STAG1: variants seen among roughly 807,000 people sequenced by gnomAD.
STAG1 encodes the protein cohesin subunit SA-1.
In STAG1, 26 loss-of-function variants were observed where a neutral mutation model predicts 170.9. The observed-to-expected ratio is 0.15, with a 90% CI of 0.11 to 0.21. The LOEUF (loss-of-function observed/expected upper bound fraction) is 0.21, where lower values mean the gene tolerates loss of function less well. STAG1 is among the 10% of genes least tolerant of loss of function. STAG1 has a pLI of 1.00. For synonymous variants in STAG1, 514 were observed against 497.7 expected, an observed-to-expected ratio of 1.03 and a Z score of -0.44; for missense variants, 964 against 1,509.5, an observed-to-expected ratio of 0.64 and a Z score of 5.99.
At chr3:136,411,876 C>T (rs1394047929) in intron 21 of STAG1, among the ~76,000 whole-genome samples, 1 of 150,552 alleles carries the variant, frequency 6.6e-6, no homozygotes, top group Non-Finnish European at 1.5e-5. Context: ...ACCCGGGAGG[C>T]GGAGGTTGCA....
At chr3:136,620,517 TAC>T (rs1939795327) in intron 3 of STAG1, among the ~76,000 whole-genome samples, 1 of 152,244 alleles carries the variant, frequency 6.6e-6, no homozygotes, top group African/African-American at 2.4e-5. Flanking sequence ...TTAGGCAAAT[TAC>T]CACTTTTTAA....
chr3:136,671,299 GCACA>G (rs146540384), intron 1 of STAG1, among the ~76,000 whole-genome samples: 7 of 151,380 alleles, frequency 4.6e-5, no homozygotes, highest in Non-Finnish European at 1.0e-4. Context: ...TAAAAAGAAA[GCACA>G]CACACACACA....
At chr3:136,460,024 T>C (rs1357730363) in intron 13 of STAG1, among the ~76,000 whole-genome samples, 2 of 151,576 alleles carry the variant, frequency 1.3e-5, no homozygotes, top group Non-Finnish European at 2.9e-5. Flanking sequence ...AAAGGAATAA[T>C]AAAGATCAGA....
rs180788768 is a variant in STAG1 at position 136,737,859 on chromosome 3, G to A, written c.-84+14336C>T. On this transcript the variant is annotated intron_variant, in intron 1 of 33. Coordinates refer to ENST00000383202, the MANE Select transcript of STAG1 (RefSeq NM_005862.3). The stretch of plus-strand genomic sequence containing the variant: ...CCGAGGCGGGCGGATCTCAAGGTCA[G>A]GGGTTCAAGACCAGCCTGACTAACA... Among the ~76,000 whole-genome samples the A allele has an allele frequency of 1.7e-3, 264 of 151,544 alleles. 1 individual carries two copies. Among genetic ancestry groups the A allele is most frequent in the African/African-American group, 6.0e-3 (249 of 41,160 alleles).
At chr3:136,561,830 TTC>T (rs1491054990) in intron 5 of STAG1, among the ~76,000 whole-genome samples, 36 of 151,960 alleles carry the variant, frequency 2.4e-4, no homozygotes, top group Middle Eastern at 3.4e-3. Flanking sequence ...TTTTTTTTTT[TTC>T]ATTTTTGTAC....
chr3:136,522,331 G>C (rs1041618314), intron 6 of STAG1, among the ~76,000 whole-genome samples: 1 of 152,192 alleles, frequency 6.6e-6, no homozygotes, highest in Non-Finnish European at 1.5e-5. Flanking sequence ...CACTACAGGA[G>C]AACGGACTCA....
intron 9 of STAG1, among the ~76,000 whole-genome samples, chr3:136,494,651 C>T (rs1283447143): frequency 6.6e-6 from 1 of 152,112 alleles, no homozygotes; most frequent in African/African-American, 2.4e-5. Flanking sequence ...ACACAATACA[C>T]TATATTAATA....
chr3:136,366,282 GAA>G (rs1937071505), intron 25 of STAG1, among the ~76,000 whole-genome samples: 1 of 152,038 alleles, frequency 6.6e-6, no homozygotes. Context: ...ATGATAATGT[GAA>G]AGTCTTAGAA....
chr3:136,685,350 C>A (rs1490328663), intron 1 of STAG1, among the ~76,000 whole-genome samples: 1 of 150,854 alleles, frequency 6.6e-6, no homozygotes, highest in Non-Finnish European at 1.5e-5. Context: ...AACAAACAAA[C>A]AAAAGCCCTC....
intron 13 of STAG1, among the ~76,000 whole-genome samples, chr3:136,457,423 T>A (rs1451879094): frequency 3.3e-5 from 5 of 152,134 alleles, no homozygotes. Flanking sequence ...TACCCCTACG[T>A]CCTCATGTCC....
At chr3:136,572,741 G>C (rs993678671) in intron 4 of STAG1, among the ~76,000 whole-genome samples, 1 of 151,898 alleles carries the variant, frequency 6.6e-6, no homozygotes. Flanking sequence ...CTATGACAAA[G>C]GAGACGTTTC....
intron 1 of STAG1, among the ~76,000 whole-genome samples, chr3:136,714,175 G>A (rs1253564038): frequency 5.3e-5 from 8 of 151,916 alleles, no homozygotes; most frequent in African/African-American, 1.5e-4. Context: ...CTGCACTCCC[G>A]TCTGAGCAAC....
intron 15 of STAG1, among the ~76,000 whole-genome samples, chr3:136,435,989 G>A (rs1423447644): frequency 6.6e-6 from 1 of 151,576 alleles, no homozygotes; most frequent in African/African-American, 2.4e-5. Context: ...AGACAGTCTT[G>A]CTCCATCGCC....
At chr3:136,385,166 T>C (rs533653192) in intron 22 of STAG1, among the ~76,000 whole-genome samples, 3 of 152,220 alleles carry the variant, frequency 2.0e-5, no homozygotes, top group Non-Finnish European at 4.4e-5. Flanking sequence ...GCACTTTTTC[T>C]GGCTGGGTGG....
intron 10 of STAG1, 52 bp downstream of exon 10, chr3:136,477,237 T>G: frequency 6.5e-7 from 1 of 1,536,456 alleles, no homozygotes; most frequent in Non-Finnish European, 8.7e-7. Flanking sequence ...CCCAGCATTT[T>G]AGTACTGAGA....
chr3:136,379,234 A>G (rs1226949992), intron 22 of STAG1, among the ~76,000 whole-genome samples: 2 of 152,200 alleles, frequency 1.3e-5, no homozygotes, highest in South Asian at 2.1e-4. Context: ...GGCAACTGCA[A>G]TATAGTGTAA....
At chr3:136,472,516 A>C (rs376319581) in intron 11 of STAG1, 24 bp from the exon 12 acceptor site, 2 of 1,552,370 alleles carry the variant, frequency 1.3e-6, no homozygotes, top group African/African-American at 1.4e-5. Context: ...GTTGTAAAAC[A>C]AACCAACTAT....
intron 1 of STAG1, among the ~76,000 whole-genome samples, chr3:136,715,018 T>C (rs1292913334): frequency 1.1e-4 from 15 of 137,084 alleles, no homozygotes; most frequent in Admixed American, 8.4e-4. Context: ...ATATATAAAA[T>C]ATATATATAA....
At chr3:136,507,115 C>G (rs559371072) in intron 7 of STAG1, among the ~76,000 whole-genome samples, 75 of 152,288 alleles carry the variant, frequency 4.9e-4, no homozygotes, top group Non-Finnish European at 3.2e-4. Flanking sequence ...AGGCACAGAT[C>G]AGCTAAAAGA....
Sources: gnomAD v4.1 joint callset for allele counts (sites outside exome capture counted in the v4.1 genomes callset) on GRCh38, gnomAD v4.1.1 for gene constraint, MANE v1.5 for transcripts, NCBI Gene and HGNC (gene_info 2026-07-23, HGNC 2026-07-21) for gene names.